HS6ST3: variants seen among roughly 807,000 people sequenced by gnomAD.
The protein encoded by HS6ST3 is heparan sulfate 6-O-sulfotransferase 3.
In HS6ST3, 12 loss-of-function variants were observed where a neutral mutation model predicts 36.7. That is an observed-to-expected ratio of 0.33 (90% CI 0.21 to 0.53). The LOEUF is 0.53. Ranked by LOEUF, HS6ST3 falls within the 20% of genes least tolerant of loss-of-function variation. HS6ST3 has a pLI of 0.95. For synonymous variants in HS6ST3, 240 were observed against 257.5 expected (o/e 0.93, Z 0.65); for missense variants, 584 against 640.9 (o/e 0.91, Z 0.96).
At chr13:96,586,532 A>T (rs917613976) in intron 1 of HS6ST3, among the ~76,000 whole-genome samples, 6 of 152,052 alleles carry the variant, frequency 3.9e-5, no homozygotes, top group Admixed American at 3.9e-4. Flanking sequence ...TTGACCTCAG[A>T]TGATCTGCCC....
At chr13:96,294,518 G>C (rs2054845098) in intron 1 of HS6ST3, among the ~76,000 whole-genome samples, 1 of 152,052 alleles carries the variant, frequency 6.6e-6, no homozygotes, top group South Asian at 2.1e-4. Context: ...CTCCTGCTTG[G>C]GGGAATGCAA....
chr13:96,620,107 T>C (rs370955210), intron 1 of HS6ST3, among the ~76,000 whole-genome samples: 5 of 152,214 alleles, frequency 3.3e-5, no homozygotes, highest in East Asian at 1.9e-4. Context: ...TATCTATCCA[T>C]TGGGGATGGG....
intron 1 of HS6ST3, among the ~76,000 whole-genome samples, chr13:96,335,531 A>G (rs2055096229): frequency 6.6e-6 from 1 of 152,158 alleles, no homozygotes; most frequent in Non-Finnish European, 1.5e-5. Flanking sequence ...ACCTCTGTAA[A>G]TAGGACTCTA....
intron 1 of HS6ST3, among the ~76,000 whole-genome samples, chr13:96,589,077 T>G (rs1250922789): frequency 2.7e-5 from 4 of 150,210 alleles, no homozygotes; most frequent in Admixed American, 6.6e-5. Flanking sequence ...AAAAAAAAGC[T>G]TTTCCTTCTC....
intron 1 of HS6ST3, among the ~76,000 whole-genome samples, chr13:96,654,678 T>A (rs1158057226): frequency 2.6e-5 from 4 of 152,066 alleles, no homozygotes; most frequent in Non-Finnish European, 5.9e-5. Flanking sequence ...TTGATTCTTG[T>A]CTTCCATTCT....
At chr13:96,158,906 G>C (rs1392460649) in intron 1 of HS6ST3, among the ~76,000 whole-genome samples, 1 of 152,072 alleles carries the variant, frequency 6.6e-6, no homozygotes, top group African/African-American at 2.4e-5. Context: ...GGTCCTTTGT[G>C]ATGATGACTG....
At chr13:96,514,794 T>A (rs1231261946) in intron 1 of HS6ST3, among the ~76,000 whole-genome samples, 1 of 152,230 alleles carries the variant, frequency 6.6e-6, no homozygotes, top group Non-Finnish European at 1.5e-5. Flanking sequence ...TTTTATTTAT[T>A]CACTTTTGTG....
intron 1 of HS6ST3, among the ~76,000 whole-genome samples, chr13:96,381,793 T>C (rs1484121113): frequency 1.1e-4 from 17 of 152,098 alleles, no homozygotes; most frequent in Admixed American, 1.1e-3. Flanking sequence ...TTTTTACCAT[T>C]GATGAAGGAG....
At chr13:96,274,871 ACACACACACACAC>A (rs2054740383) in intron 1 of HS6ST3, among the ~76,000 whole-genome samples, 2 of 151,274 alleles carry the variant, frequency 1.3e-5, no homozygotes, top group African/African-American at 4.9e-5. Flanking sequence ...ACACACACAC[ACACACACACACAC>A]ACACACACAC....
chr13:96,608,678 C>T (rs1303388804), intron 1 of HS6ST3, among the ~76,000 whole-genome samples: 4 of 152,142 alleles, frequency 2.6e-5, no homozygotes, highest in Non-Finnish European at 5.9e-5. Flanking sequence ...GTGACTTAAA[C>T]TATATCAGGT....
intron 1 of HS6ST3, among the ~76,000 whole-genome samples, chr13:96,268,169 A>G (rs1394073275): frequency 2.6e-5 from 4 of 151,828 alleles, no homozygotes; most frequent in East Asian, 1.9e-4. Context: ...GCTCCAATCT[A>G]TGAATTTTGG....
chr13:96,301,958 G>C (rs2054885394), intron 1 of HS6ST3, among the ~76,000 whole-genome samples: 1 of 148,188 alleles, frequency 6.7e-6, no homozygotes, highest in African/African-American at 2.5e-5. Flanking sequence ...CTAAAAGTAA[G>C]AAAAATATCT....
intron 1 of HS6ST3, among the ~76,000 whole-genome samples, chr13:96,157,995 T>C (rs561934711): frequency 6.6e-6 from 1 of 152,190 alleles, no homozygotes; most frequent in South Asian, 2.1e-4. Context: ...GGTGCCGGGA[T>C]GGTAAATGCT....
At chr13:96,390,208 G>A (rs2055388818) in intron 1 of HS6ST3, among the ~76,000 whole-genome samples, 1 of 152,130 alleles carries the variant, frequency 6.6e-6, no homozygotes, top group African/African-American at 2.4e-5. Context: ...CCCATAGCAT[G>A]AATTCAATGA....
intron 1 of HS6ST3, among the ~76,000 whole-genome samples, chr13:96,671,527 T>C (rs2056682678): frequency 6.6e-6 from 1 of 152,110 alleles, no homozygotes; most frequent in South Asian, 2.1e-4. Flanking sequence ...GTGACTTAAA[T>C]AACAGACATG....
At chr13:96,229,440 G>A (rs1231089824) in intron 1 of HS6ST3, among the ~76,000 whole-genome samples, 4 of 152,150 alleles carry the variant, frequency 2.6e-5, no homozygotes, top group African/African-American at 9.7e-5. Context: ...GGTGCTGGTG[G>A]ATTTGGTCCT....
intron 1 of HS6ST3, among the ~76,000 whole-genome samples, chr13:96,535,471 T>C (rs569122543): frequency 6.7e-6 from 1 of 150,178 alleles, no homozygotes; most frequent in South Asian, 2.1e-4. Flanking sequence ...GGCAGGAGAA[T>C]CTCTTGAACC....
intron 1 of HS6ST3, among the ~76,000 whole-genome samples, chr13:96,669,805 G>T (rs188740650): frequency 6.0e-4 from 91 of 152,230 alleles, no homozygotes; most frequent in Non-Finnish European, 1.1e-3. Context: ...GTAGGAAATT[G>T]TCATTATAGT....
At chr13:96,651,299 T>C (rs970869775) in intron 1 of HS6ST3, among the ~76,000 whole-genome samples, 2 of 152,096 alleles carry the variant, frequency 1.3e-5, no homozygotes, top group Non-Finnish European at 2.9e-5. Context: ...TGGGATGTTC[T>C]TTTTTGCCCA....
Sources: allele counts gnomAD v4.1 joint callset (sites outside exome capture counted in the v4.1 genomes callset), GRCh38; gene constraint gnomAD v4.1.1; transcripts MANE v1.5; gene names NCBI Gene and HGNC (gene_info 2026-07-23, HGNC 2026-07-21).